Variants in EDA observed in about 807,000 individuals in gnomAD.
EDA encodes ectodysplasin A.
EDA carries 2 observed loss-of-function variants against 23.6 expected under a neutral mutation model. That is an observed-to-expected ratio of 0.08 (90% CI 0.03 to 0.27). The LOEUF (loss-of-function observed/expected upper bound fraction) is 0.27, where lower values mean the gene tolerates loss of function less well. Among genes scored for constraint, EDA ranks in the 10% least tolerant of loss-of-function variants. The probability of loss-of-function intolerance (pLI) is 1.00; values close to 1 mark genes in which losing one functional copy is unlikely to be tolerated. For synonymous variants in EDA, 131 were observed against 132.0 expected (o/e 0.99, Z 0.05); for missense variants, 229 against 324.2 (o/e 0.71, Z 2.26).
rs781038923 is a variant in EDA, at chrX:69,818,845, G to A, written c.397-138182G>A. Among the ~76,000 whole-genome samples, 3 of 112,045 alleles carry A rather than the reference G, an allele frequency of 2.7e-5. No homozygotes were observed. In the South Asian group the frequency reaches 1.1e-3, roughly 42 times the overall value. ...CTATTCTAAACAATTGGAAAGGAAA[G>A]ACTCCTCTCAAACTCGTTTTATGAA... On this transcript the variant is annotated intron_variant, in intron 1 of 7. Transcript: ENST00000374552.
At chrX:69,937,446 A>T in intron 1 of EDA, 1 of 771,766 alleles carries the variant, frequency 1.3e-6, no homozygotes, top group South Asian at 2.1e-5. Flanking sequence ...ATCATAAATG[A>T]CAGGTAAAAA....
At chrX:69,821,148 CATTCTT>C (rs1209257187) in intron 1 of EDA, among the ~76,000 whole-genome samples, 1 of 106,165 alleles carries the variant, frequency 9.4e-6, no homozygotes, top group African/African-American at 3.5e-5. Flanking sequence ...AGAAAATAAA[CATTCTT>C]ATTCTTATAA....
At chrX:69,616,756 G>T (rs1931974859) in intron 1 of EDA, 52 bp downstream of exon 1, 5 of 1,201,762 alleles carry the variant, frequency 4.2e-6, no homozygotes, top group Admixed American at 2.2e-5. Context: ...CGGGTAGGGC[G>T]AGGGCCCTCC....
intron 1 of EDA, among the ~76,000 whole-genome samples, chrX:69,885,801 C>T (rs780876784): frequency 1.5e-4 from 17 of 112,067 alleles, no homozygotes; most frequent in African/African-American, 3.9e-4. Context: ...GTGGGCTCAG[C>T]TACAGCCCCA....
chrX:69,815,765 G>A (rs1045051437), intron 1 of EDA, among the ~76,000 whole-genome samples: 40 of 112,416 alleles, frequency 3.6e-4, no homozygotes, highest in African/African-American at 1.2e-3. Context: ...CTTGCTGGCT[G>A]TGGAGAATAC....
chrX:69,935,301 A>T (rs2147681016), intron 1 of EDA, among the ~76,000 whole-genome samples: 1 of 111,539 alleles, frequency 9.0e-6, no homozygotes, highest in African/African-American at 3.2e-5. Context: ...TTTTGGGTAT[A>T]TACCTAGCAG....
chrX:69,713,273 T>C (rs1462201018), intron 1 of EDA, among the ~76,000 whole-genome samples: 4 of 112,135 alleles, frequency 3.6e-5, no homozygotes, highest in Non-Finnish European at 5.6e-5. Context: ...AGAGCTCCTT[T>C]GTATGCTCTA....
chrX:69,785,328 T>G (rs1338443337), intron 1 of EDA, among the ~76,000 whole-genome samples: 1 of 78,652 alleles, frequency 1.3e-5, no homozygotes, highest in Non-Finnish European at 2.9e-5. Context: ...TCCAACACTA[T>G]GTTGAATAGG....
At chrX:69,805,871 A>G (rs1280849153) in intron 1 of EDA, among the ~76,000 whole-genome samples, 1 of 111,880 alleles carries the variant, frequency 8.9e-6, no homozygotes, top group Non-Finnish European at 1.9e-5. Context: ...ATACACTCTG[A>G]TATAGGAAGA....
intron 1 of EDA, among the ~76,000 whole-genome samples, chrX:69,805,482 G>T (rs1286966423): frequency 1.8e-5 from 2 of 111,327 alleles, no homozygotes; most frequent in Non-Finnish European, 3.8e-5. Flanking sequence ...TTTTCAAAAG[G>T]CCTCTCCAAG....
chrX:69,851,022 A>G (rs1237537416), intron 1 of EDA, among the ~76,000 whole-genome samples: 3 of 111,520 alleles, frequency 2.7e-5, no homozygotes, highest in Non-Finnish European at 5.6e-5. Flanking sequence ...ATGTCTGACT[A>G]CCCCAAATAG....
chrX:69,864,885 G>A (rs2017459133), intron 1 of EDA, among the ~76,000 whole-genome samples: 1 of 111,053 alleles, frequency 9.0e-6, no homozygotes, highest in Non-Finnish European at 1.9e-5. Context: ...CAGCTACTCG[G>A]GAGGCTGAGG....
chrX:69,678,680 G>T (rs1351887522), intron 1 of EDA, among the ~76,000 whole-genome samples: 1 of 105,727 alleles, frequency 9.5e-6, no homozygotes, highest in Non-Finnish European at 1.9e-5. Flanking sequence ...TTTGTATCCT[G>T]AGACTTTGCT....
chrX:69,748,466 T>C (rs1233217417), intron 1 of EDA, among the ~76,000 whole-genome samples: 1 of 112,022 alleles, frequency 8.9e-6, no homozygotes, highest in Non-Finnish European at 1.9e-5. Context: ...CGTCGTGTGA[T>C]ATGTTGTAAG....
chrX:69,652,344 A>G (rs1486805565), intron 1 of EDA, among the ~76,000 whole-genome samples: 1 of 112,004 alleles, frequency 8.9e-6, no homozygotes, highest in Non-Finnish European at 1.9e-5. Context: ...CAAGCTTAAT[A>G]GATTGGAGTC....
intron 1 of EDA, among the ~76,000 whole-genome samples, chrX:69,662,782 G>T (rs947052221): frequency 8.9e-6 from 1 of 112,238 alleles, no homozygotes; most frequent in Admixed American, 9.5e-5. Context: ...GACAAAAAAA[G>T]TTCAGGCTGA....
chrX:69,862,562 A>G (rs1241608087), intron 1 of EDA, among the ~76,000 whole-genome samples: 1 of 111,249 alleles, frequency 9.0e-6, no homozygotes, highest in Non-Finnish European at 1.9e-5. Context: ...CTACTGCTTC[A>G]GCCTCCCCAG....
At chrX:69,629,904 G>A (rs1047164403) in intron 1 of EDA, among the ~76,000 whole-genome samples, 6 of 111,297 alleles carry the variant, frequency 5.4e-5, no homozygotes, top group Non-Finnish European at 9.4e-5. Flanking sequence ...TCTAACTCAC[G>A]TGCCAGGTCA....
chrX:69,978,021 A>G (rs1194566881), intron 2 of EDA, among the ~76,000 whole-genome samples: 1 of 110,755 alleles, frequency 9.0e-6, no homozygotes, highest in Non-Finnish European at 1.9e-5. Flanking sequence ...CAAGAAGACC[A>G]TTCATTTCCT....
Sources: allele counts gnomAD v4.1 joint callset (sites outside exome capture counted in the v4.1 genomes callset), GRCh38; gene constraint gnomAD v4.1.1; transcripts MANE v1.5; gene names NCBI Gene and HGNC (gene_info 2026-07-23, HGNC 2026-07-21).